DNAH3: variants seen among roughly 807,000 people sequenced by gnomAD.
DNAH3 encodes the protein axonemal beta dynein heavy chain 3.
DNAH3 carries 332 observed loss-of-function variants against 432.5 expected under a neutral mutation model. The observed-to-expected ratio is 0.77, with a 90% CI of 0.70 to 0.84. The LOEUF is 0.84. Among genes scored for constraint, DNAH3 ranks in the 40% least tolerant of loss-of-function variants. DNAH3 has a pLI of 0.00. For missense variants in DNAH3, 4,861 were observed against 5,114.0 expected, an observed-to-expected ratio of 0.95 and a Z score of 1.51; for synonymous variants, 1,956 against 1,900.2, an observed-to-expected ratio of 1.03 and a Z score of -0.76.
At chr16:21,097,398 C>T (rs76700776) in exon 18 of DNAH3, 5 of 1,613,820 alleles carry the variant, frequency 3.1e-6, no homozygotes, top group African/African-American at 2.7e-5. Context: ...CATAGGCTGT[C>T]GACCACAGCT....
At chr16:21,019,981 A>G in intron 40 of DNAH3, 112 bp from the exon 41 acceptor site, 1 of 1,206,936 alleles carries the variant, frequency 8.3e-7, no homozygotes, top group Non-Finnish European at 1.2e-6. Flanking sequence ...GGCGACTGAT[A>G]TTGGCAGAGT....
intron 44 of DNAH3, among the ~76,000 whole-genome samples, chr16:20,990,902 T>A (rs2152680829): frequency 6.6e-6 from 1 of 152,070 alleles, no homozygotes; most frequent in Middle Eastern, 3.4e-3. Flanking sequence ...GCACCTGTAG[T>A]CCCAACTACT....
At chr16:21,071,728 T>A (rs939646663) in intron 21 of DNAH3, among the ~76,000 whole-genome samples, 4 of 151,684 alleles carry the variant, frequency 2.6e-5, no homozygotes, top group Middle Eastern at 3.4e-3. Flanking sequence ...TCTCTAAAAA[T>A]TTTTTTTTTA....
rs1163148248 is a variant in DNAH3, at chr16:21,111,818, C to G, written c.1921-14G>C. Reference sequence around the variant, plus strand: ...GGCATTGATCTTCTGCAGAAAGGAGCACATTCAGTAGCTTGATTTGCCCTT... The same window carrying G: ...GGCATTGATCTTCTGCAGAAAGGAGGACATTCAGTAGCTTGATTTGCCCTT... On this transcript the variant is annotated splice_polypyrimidine_tract_variant and intron_variant, in intron 13 of 61. Coordinates refer to ENST00000261383, the Ensembl canonical transcript of DNAH3. 1 of 1,609,338 alleles carries G rather than the reference C, an allele frequency of 6.2e-7. No individual in the cohort carries two copies. Among genetic ancestry groups the G allele is most frequent in the Non-Finnish European group, 8.5e-7 (1 of 1,176,946 alleles).
At chr16:21,151,322 T>A (rs1483026789) in intron 1 of DNAH3, among the ~76,000 whole-genome samples, 5 of 12,480 alleles carry the variant, frequency 4.0e-4, no homozygotes, top group African/African-American at 1.7e-3. Context: ...TTTTTCCCCG[T>A]TTTTTTTTTT....
At position 21,003,223 on chromosome 16, in the gene DNAH3, C is replaced by CA. The variant is rs1433234784; in HGVS notation, c.6023-17dup. 6.5e-6 allele frequency: 10 copies of CA among 1,544,042 alleles called. No individual in the cohort carries two copies. Among genetic ancestry groups the CA allele is most frequent in the Non-Finnish European group, 8.9e-6 (10 of 1,128,532 alleles). The stretch of plus-strand genomic sequence containing the variant: ...TAGATGCTTCCTGGACCCAAAGAAA[C>CA]AAAACAGATCATTAGCACATGAAGG... On this transcript the variant is annotated splice_polypyrimidine_tract_variant and intron_variant, in intron 41 of 61. Coordinates refer to ENST00000261383, the Ensembl canonical transcript of DNAH3.
rs1479220679 is a variant in DNAH3, at chr16:20,964,909, T to C, written c.8975A>G (p.Tyr2992Cys). Residue 2992 changes from tyrosine (Y) to cysteine (C), a missense_variant, in exon 53 of 62, where the codon TAT becomes TGT. Tyr to Cys is a radical substitution (Grantham distance 194). Coordinates refer to ENST00000261383, the Ensembl canonical transcript of DNAH3. ...CAACACGTCACCAGTCAGATTAGTA[T>C]AGCGGATCCCCAGCTGTCGGGCAGC... 1 of 1,614,200 alleles carries C rather than the reference T, an allele frequency of 6.2e-7. No homozygotes were observed. The highest frequency in any genetic ancestry group is 1.1e-5 in the South Asian group (1 of 91,086).
intron 1 of DNAH3, among the ~76,000 whole-genome samples, chr16:21,157,265 A>G (rs1465504377): frequency 1.3e-5 from 2 of 151,880 alleles, no homozygotes; most frequent in East Asian, 1.9e-4. Context: ...CTGTGCCTCA[A>G]TAGGTGCTAA....
chr16:21,104,504 T>C lies in DNAH3; in HGVS notation c.2333A>G (p.Lys778Arg), dbSNP rs143272022. 1.9e-5 allele frequency: 31 copies of C among 1,613,880 alleles called. No homozygotes were observed. In the African/African-American group the frequency reaches 3.6e-4, roughly 19 times the overall value. Residue 778 changes from lysine to arginine, a missense_variant, in exon 16 of 62, where the codon AAG becomes AGG. Transcript: ENST00000261383. ...CAGATCCATTTCTGCCTGATCCCTC[T>C]TGTGAAGGAGCAAGTTCCGGCTGTT...
At chr16:20,998,372 GCCT>G (rs2086856099) in intron 43 of DNAH3, among the ~76,000 whole-genome samples, 1 of 152,128 alleles carries the variant, frequency 6.6e-6, no homozygotes, top group South Asian at 2.1e-4. Flanking sequence ...TCCTGCCTCA[GCCT>G]CCAAGTAGCT....
At chr16:21,133,781 C>A (rs2092603630) in intron 7 of DNAH3, among the ~76,000 whole-genome samples, 1 of 152,052 alleles carries the variant, frequency 6.6e-6, no homozygotes. Flanking sequence ...GGAGGTAATG[C>A]CAAATTAACA....
intron 21 of DNAH3, among the ~76,000 whole-genome samples, chr16:21,074,571 G>T (rs1415175039): frequency 6.6e-6 from 1 of 151,940 alleles, no homozygotes; most frequent in Non-Finnish European, 1.5e-5. Flanking sequence ...AAAATTAGCT[G>T]GGCATGGTGG....
intron 41 of DNAH3, among the ~76,000 whole-genome samples, chr16:21,017,390 CCTCTGCT>C (rs989044249): frequency 1.8e-4 from 27 of 152,184 alleles, no homozygotes; most frequent in Admixed American, 2.6e-4. Context: ...TAAAGTCACC[CCTCTGCT>C]CACTGAGATG....
At position 20,979,801 on chromosome 16, in the gene DNAH3, G is replaced by GT. The variant is rs371970695; in HGVS notation, c.7860-256dup. On this transcript the variant is annotated intron_variant, in intron 49 of 61. Transcript: ENST00000261383. ...GTCTCTCTCTGACACCCAGGCTGGAGTGCAGTGGCGCGATCTCAGCTCGCT... is the reference window on the plus strand; with the variant it reads ...GTCTCTCTCTGACACCCAGGCTGGAGTTGCAGTGGCGCGATCTCAGCTCGCT... Among the ~76,000 whole-genome samples, 902 of 152,264 alleles carry GT rather than the reference G, an allele frequency of 5.9e-3. 10 individuals are homozygous for GT. Among genetic ancestry groups the GT allele is most frequent in the African/African-American group, 0.02 (851 of 41,550 alleles).
intron 26 of DNAH3, among the ~76,000 whole-genome samples, chr16:21,059,005 A>G (rs1238077261): frequency 2.6e-5 from 4 of 152,202 alleles, no homozygotes; most frequent in Non-Finnish European, 5.9e-5. Flanking sequence ...AAAGTAAAAT[A>G]AAATAAAATT....
chr16:20,987,566 AT>A (rs2086259415), intron 46 of DNAH3, 118 bp from the exon 47 acceptor site: 1 of 1,536,770 alleles, frequency 6.5e-7, no homozygotes, highest in African/African-American at 1.4e-5. Flanking sequence ...TGTTTATAAA[AT>A]GCTTAGCACA....
intron 44 of DNAH3, among the ~76,000 whole-genome samples, chr16:20,991,396 T>C (rs1157049376): frequency 6.6e-6 from 1 of 152,078 alleles, no homozygotes; most frequent in Non-Finnish European, 1.5e-5. Context: ...CCCAAGTAGC[T>C]GGGATTACAG....
intron 1 of DNAH3, chr16:21,158,885 C>G (rs1030382075): frequency 5.8e-6 from 1 of 172,944 alleles, no homozygotes; most frequent in Non-Finnish European, 1.2e-5. Flanking sequence ...GCTTTCTGCC[C>G]CGGGGTTAGT....
At chr16:21,077,404 C>A (rs1597324420) in intron 20 of DNAH3, among the ~76,000 whole-genome samples, 1 of 152,272 alleles carries the variant, frequency 6.6e-6, no homozygotes, top group South Asian at 2.1e-4. Flanking sequence ...CACAAGTGAT[C>A]CGCCCGCCTC....
Sources: allele counts gnomAD v4.1 joint callset (sites outside exome capture counted in the v4.1 genomes callset), GRCh38; gene constraint gnomAD v4.1.1; transcripts MANE v1.5; gene names NCBI Gene and HGNC (gene_info 2026-07-23, HGNC 2026-07-21).